Variants in ANK3 observed in about 807,000 individuals in gnomAD.
ANK3 encodes the protein ankyrin 3, also known as ankyrin-3.
ANK3 carries 57 observed loss-of-function variants against 370.9 expected under a neutral mutation model. The observed-to-expected ratio is 0.15, with a 90% CI of 0.12 to 0.19. The LOEUF (loss-of-function observed/expected upper bound fraction) is 0.19. ANK3 is among the 10% of genes least tolerant of loss of function. The pLI, the probability that ANK3 is intolerant of heterozygous loss-of-function variation, is 1.00. For synonymous variants in ANK3, 1,929 were observed against 1,946.3 expected, an observed-to-expected ratio of 0.99 and a Z score of 0.23; for missense variants, 4,439 against 5,302.1, an observed-to-expected ratio of 0.84 and a Z score of 5.06.
intron 43 of ANK3, among the ~76,000 whole-genome samples, chr10:60,035,725 C>T (rs1402668113): frequency 1.3e-5 from 2 of 151,266 alleles, no homozygotes; most frequent in South Asian, 4.2e-4. Context: ...TGCGGTGGCT[C>T]ACACCTATAA....
intron 42 of ANK3, chr10:60,043,436 A>G (rs1461073954): frequency 4.1e-6 from 4 of 984,612 alleles, no homozygotes; most frequent in Non-Finnish European, 4.8e-6. Context: ...TTTAAATTGA[A>G]AAGGGTAGAG....
chr10:60,624,333 C>T (rs2078379437), intron 1 of ANK3, among the ~76,000 whole-genome samples: 2 of 152,250 alleles, frequency 1.3e-5, no homozygotes, highest in South Asian at 4.1e-4. Context: ...AAACTCTGCA[C>T]ACCAAGGCTT....
intron 17 of ANK3, among the ~76,000 whole-genome samples, chr10:60,182,077 G>A (rs1342083853): frequency 6.7e-6 from 1 of 148,808 alleles, no homozygotes; most frequent in African/African-American, 2.5e-5. Context: ...ACAAAAATTA[G>A]ACTTTTTTTT....
intron 43 of ANK3, among the ~76,000 whole-genome samples, chr10:60,041,489 T>C (rs1238661589): frequency 1.3e-5 from 2 of 152,218 alleles, no homozygotes; most frequent in African/African-American, 4.8e-5. Flanking sequence ...GGGCAATTTA[T>C]TTAACCACTT....
intron 25 of ANK3, among the ~76,000 whole-genome samples, chr10:60,116,731 G>A (rs1202742048): frequency 6.6e-6 from 1 of 151,588 alleles, no homozygotes; most frequent in Non-Finnish European, 1.5e-5. Flanking sequence ...ATAAGTTCAG[G>A]AGGTTCAAAT....
At chr10:60,580,346 T>C (rs1001130807) in intron 2 of ANK3, among the ~76,000 whole-genome samples, 1 of 152,204 alleles carries the variant, frequency 6.6e-6, no homozygotes, top group Non-Finnish European at 1.5e-5. Context: ...AATAAGCTTC[T>C]ATAAAGTCCT....
chr10:60,098,071 A>C (rs2090485539), intron 28 of ANK3, among the ~76,000 whole-genome samples: 1 of 152,168 alleles, frequency 6.6e-6, no homozygotes, highest in Non-Finnish European at 1.5e-5. Context: ...ACCTCAGGCA[A>C]GTTCCTGAAC....
chr10:60,457,932 G>C lies in ANK3; in HGVS notation c.96+157254C>G, dbSNP rs148799262. Among the ~76,000 whole-genome samples the C allele has an allele frequency of 4.3e-3, 652 of 152,098 alleles. 3 individuals carry two copies. Among genetic ancestry groups the C allele is most frequent in the Non-Finnish European group, 6.9e-3 (472 of 67,968 alleles). On this transcript the variant is annotated intron_variant, in intron 2 of 43. Transcript: ENST00000373827. ...CTGAATCAGGAACAGGCACAATCAC[G>C]GGTCTGTTGTGCCATTTCACAAATG...
At chr10:60,395,881 G>A (rs1285065774) in intron 2 of ANK3, among the ~76,000 whole-genome samples, 2 of 152,102 alleles carry the variant, frequency 1.3e-5, no homozygotes, top group Non-Finnish European at 2.9e-5. Context: ...CAGAAGCAGG[G>A]ATGGGGTAAC....
At chr10:60,629,450 TATC>T (rs1419760152) in intron 1 of ANK3, among the ~76,000 whole-genome samples, 31 of 152,188 alleles carry the variant, frequency 2.0e-4, no homozygotes, top group African/African-American at 6.8e-4. Context: ...ACTAAATAAA[TATC>T]ATTCAGATTC....
At chr10:60,161,179 A>AAATTTTTAC (rs1367311003) in intron 23 of ANK3, among the ~76,000 whole-genome samples, 1 of 152,194 alleles carries the variant, frequency 6.6e-6, no homozygotes, top group Non-Finnish European at 1.5e-5. Flanking sequence ...ACTGATAAAC[A>AAATTTTTAC]AATTTAGTAA....
chr10:60,139,206 T>A, intron 23 of ANK3, 119 bp from the exon 24 acceptor site: 1 of 1,215,168 alleles, frequency 8.2e-7, no homozygotes, highest in Non-Finnish European at 1.1e-6. Flanking sequence ...CACCTTCCCC[T>A]ATCACCTGGA....
intron 1 of ANK3, among the ~76,000 whole-genome samples, chr10:60,639,208 T>A (rs192647121): frequency 1.5e-3 from 226 of 151,700 alleles, no homozygotes; most frequent in African/African-American, 4.8e-3. Flanking sequence ...AACAGGAAGA[T>A]AATGAAATGT....
intron 1 of ANK3, among the ~76,000 whole-genome samples, chr10:60,712,052 GC>G (rs1450588744): frequency 6.6e-6 from 1 of 152,168 alleles, no homozygotes; most frequent in Non-Finnish European, 1.5e-5. Context: ...CAGAAGACCT[GC>G]CATGCAATAA....
rs1228100191 is a variant in ANK3, at chr10:60,219,429, G to A, written c.898-5919C>T. ...CATTAGAATCAGGCAGTTATCAGCA[G>A]AATACCAATATTTTGAATTTTTCTG... On this transcript the variant is annotated intron_variant, in intron 8 of 43. Transcript: ENST00000280772. Among the ~76,000 whole-genome samples, 8 of 152,122 alleles carry A rather than the reference G, an allele frequency of 5.3e-5. 1 individual carries two copies. The highest frequency in any genetic ancestry group is 1.9e-4 in the East Asian group (1 of 5,174).
At chr10:60,263,735 G>T in intron 6 of ANK3, 100 bp downstream of exon 6, 2 of 1,333,434 alleles carry the variant, frequency 1.5e-6, no homozygotes, top group Non-Finnish European at 2.1e-6. Flanking sequence ...GAAGTTAAAG[G>T]CATGGCATAA....
In ANK3 at chr10:60,417,923, T is replaced by A. The variant is rs191158968; in HGVS notation, c.97-138284A>T. Among the ~76,000 whole-genome samples the A allele has an allele frequency of 2.7e-3, 416 of 152,130 alleles. 1 individual carries two copies. Among genetic ancestry groups the A allele is most frequent in the African/African-American group, 9.6e-3 (398 of 41,462 alleles). On this transcript the variant is annotated intron_variant, in intron 2 of 43. Transcript: ENST00000373827. ...ATACTTGAAAGGTTTTTTAAAAAAA[T>A]TTTGCTTTTACCACATACACATTTC...
At position 60,728,127 on chromosome 10, in the gene ANK3, G is replaced by A. The variant is rs189879766; in HGVS notation, c.57+5136C>T. Among the ~76,000 whole-genome samples the A allele has an allele frequency of 5.0e-3, 758 of 152,162 alleles. 2 individuals are homozygous for A. Among genetic ancestry groups the A allele is most frequent in the Admixed American group, 8.2e-3 (126 of 15,286 alleles). On this transcript the variant is annotated intron_variant, in intron 1 of 43. Coordinates refer to the ANK3 transcript ENST00000373827. ...AAATCAGGGCTTTTTTTCTTTTAGG[G>A]ACATTTTACCAGCCTACCACTGATA...
chr10:60,365,748 G>A (rs937518360), intron 1 of ANK3, among the ~76,000 whole-genome samples: 9 of 152,046 alleles, frequency 5.9e-5, no homozygotes, highest in Non-Finnish European at 1.3e-4. Flanking sequence ...TATACATGAG[G>A]AAATTGACTG....
Sources: gnomAD v4.1 joint callset for allele counts (sites outside exome capture counted in the v4.1 genomes callset) on GRCh38, gnomAD v4.1.1 for gene constraint, MANE v1.5 for transcripts, NCBI Gene and HGNC (gene_info 2026-07-23, HGNC 2026-07-21) for gene names.